The following RUNX2 variants were observed in gnomAD, a reference collection of about 807,000 sequenced individuals.
The protein encoded by RUNX2 is RUNX family transcription factor 2.
In RUNX2, 10 loss-of-function variants were observed where a neutral mutation model predicts 51.7. The observed-to-expected ratio is 0.19, with a 90% confidence interval of 0.12 to 0.33. The LOEUF is 0.33. Among genes scored for constraint, RUNX2 ranks in the 10% least tolerant of loss-of-function variants. RUNX2 has a pLI of 1.00. For synonymous variants in RUNX2, 276 were observed against 273.6 expected (o/e 1.01, Z -0.09); for missense variants, 562 against 691.3 (o/e 0.81, Z 2.10).
intron 6 of RUNX2, among the ~76,000 whole-genome samples, chr6:45,496,119 C>G (rs189928874): frequency 6.6e-6 from 1 of 152,154 alleles, no homozygotes; most frequent in Non-Finnish European, 1.5e-5. Context: ...TCTTTTGATT[C>G]AGAAAGCGGC....
intron 2 of RUNX2, among the ~76,000 whole-genome samples, chr6:45,341,722 T>C (rs564199965): frequency 6.6e-6 from 1 of 152,164 alleles, no homozygotes; most frequent in East Asian, 1.9e-4. Context: ...TCCTCAGCAG[T>C]AGCAATATTA....
intron 8 of RUNX2, 28 bp from the exon 9 acceptor site, chr6:45,546,799 T>C (rs1238362765): frequency 2.0e-6 from 3 of 1,512,536 alleles, no homozygotes; most frequent in East Asian, 2.3e-5. Context: ...TACAGATTTT[T>C]CCCTCCATCT....
rs116458892 is a variant in RUNX2, at chr6:45,406,267, G to C, written c.59-16326G>C. Among the ~76,000 whole-genome samples, 1,141 of 152,184 alleles carry C rather than the reference G, an allele frequency of 7.5e-3. 14 individuals carry two copies. Among genetic ancestry groups the C allele is most frequent in the African/African-American group, 0.026 (1,076 of 41,500 alleles). Reference sequence around the variant, plus strand: ...CCATAGCATAGGAATCCCTCTGTCTGGACGACTACAGTAGAAATTATCATG... The same window carrying C: ...CCATAGCATAGGAATCCCTCTGTCTCGACGACTACAGTAGAAATTATCATG... On this transcript the variant is annotated intron_variant, in intron 2 of 8. Transcript: ENST00000647337.
intron 2 of RUNX2, chr6:45,422,230 AC>A (rs991452334): frequency 3.0e-4 from 75 of 252,490 alleles, no homozygotes; most frequent in African/African-American, 1.7e-3. Context: ...GCCCCAAGGG[AC>A]CCCATTCCAA....
rs1383428097 is a variant in RUNX2, at chr6:45,353,266, ATT to A, written c.58+24484_58+24485del. 2.0e-5 allele frequency among the ~76,000 whole-genome samples: 3 copies of A among 152,240 alleles called. No homozygotes were observed. The East Asian group carries it at 5.8e-4, about 29-fold the overall frequency. Reference sequence around the variant, plus strand: ...AAACTACTTAAAATTTGCACTTAGAATTTGTTTTGGAACTTGATAAAATGATT... The same window carrying A: ...AAACTACTTAAAATTTGCACTTAGAATGTTTTGGAACTTGATAAAATGATT... On this transcript the variant is annotated intron_variant, in intron 2 of 8. Coordinates refer to ENST00000647337, the MANE Select transcript of RUNX2 (RefSeq NM_001024630.4).
intron 2 of RUNX2, among the ~76,000 whole-genome samples, chr6:45,357,159 AC>A (rs1278415889): frequency 6.6e-6 from 1 of 151,982 alleles, no homozygotes; most frequent in Admixed American, 6.6e-5. Context: ...GGCACCCGCC[AC>A]CAAGCCTGGC....
chr6:45,415,725 T>C (rs939430708), intron 2 of RUNX2, among the ~76,000 whole-genome samples: 6 of 152,084 alleles, frequency 3.9e-5, no homozygotes, highest in African/African-American at 1.4e-4. Flanking sequence ...CAAAACCCTT[T>C]CCTCCTGCAA....
Position 45,426,982 on chromosome 6 carries a change from G to A in RUNX2, c.423+4025G>A, listed in dbSNP as rs144890943. ...CTAGGGAAAATAGGTTGTTAAGCCTGTTAAATCCTTATTAACCGTAATATA... is the reference window on the plus strand; with the variant it reads ...CTAGGGAAAATAGGTTGTTAAGCCTATTAAATCCTTATTAACCGTAATATA... On this transcript the variant is annotated intron_variant, in intron 3 of 8. Transcript: ENST00000647337. Among the ~76,000 whole-genome samples the A allele has an allele frequency of 4.1e-3, 619 of 152,246 alleles. 5 individuals are homozygous for A. Among genetic ancestry groups the A allele is most frequent in the African/African-American group, 0.014 (581 of 41,556 alleles).
chr6:45,353,998 G>A (rs1792613247), intron 2 of RUNX2, among the ~76,000 whole-genome samples: 1 of 152,052 alleles, frequency 6.6e-6, no homozygotes. Flanking sequence ...TTCAAGCTCA[G>A]TTGTCAAAGA....
At chr6:45,404,259 C>CAAAA (rs34529128) in intron 2 of RUNX2, among the ~76,000 whole-genome samples, 7 of 27,638 alleles carry the variant, frequency 2.5e-4, no homozygotes, top group South Asian at 1.9e-3. Flanking sequence ...GACTCTGTCT[C>CAAAA]AAAAAAAAAA....
At chr6:45,417,346 G>A (rs1268362822) in intron 2 of RUNX2, among the ~76,000 whole-genome samples, 1 of 152,162 alleles carries the variant, frequency 6.6e-6, no homozygotes, top group African/African-American at 2.4e-5. Flanking sequence ...GGAAAATGCT[G>A]ACATATGGAG....
intron 2 of RUNX2, among the ~76,000 whole-genome samples, chr6:45,346,854 C>T (rs1333609724): frequency 6.6e-6 from 1 of 152,082 alleles, no homozygotes; most frequent in Non-Finnish European, 1.5e-5. Flanking sequence ...CGTGAGCCAT[C>T]GCGCCGGGCC....
intron 2 of RUNX2, among the ~76,000 whole-genome samples, chr6:45,346,636 C>T (rs1310354034): frequency 1.3e-5 from 2 of 149,622 alleles, no homozygotes; most frequent in East Asian, 3.9e-4. Context: ...GGTGCGATCT[C>T]GGCTCACTGC....
At chr6:45,329,699 C>T (rs1443006207) in intron 2 of RUNX2, among the ~76,000 whole-genome samples, 4 of 151,862 alleles carry the variant, frequency 2.6e-5, no homozygotes. Context: ...TTAAACCATG[C>T]TGGACTTTAA....
intron 2 of RUNX2, chr6:45,361,475 G>A (rs1209836789): frequency 6.6e-6 from 1 of 152,188 alleles, no homozygotes. Flanking sequence ...AGAACTCAGT[G>A]AAGACTCTCA....
intron 2 of RUNX2, among the ~76,000 whole-genome samples, chr6:45,351,698 T>C (rs537696695): frequency 1.3e-5 from 2 of 152,274 alleles, no homozygotes; most frequent in Admixed American, 6.5e-5. Flanking sequence ...ATCAACTCCA[T>C]ACTTTCTATT....
At chr6:45,540,448 T>C (rs1240767375) in intron 7 of RUNX2, among the ~76,000 whole-genome samples, 5 of 152,074 alleles carry the variant, frequency 3.3e-5, no homozygotes, top group African/African-American at 1.2e-4. Flanking sequence ...AGAGGTAGAA[T>C]AGAATGCTGG....
chr6:45,356,386 C>G (rs1347322435), intron 2 of RUNX2, among the ~76,000 whole-genome samples: 2 of 151,668 alleles, frequency 1.3e-5, no homozygotes, highest in African/African-American at 4.8e-5. Context: ...TGGAATATAT[C>G]AATTCTCATT....
intron 5 of RUNX2, among the ~76,000 whole-genome samples, chr6:45,448,287 T>C (rs1799060134): frequency 1.3e-5 from 2 of 152,180 alleles, no homozygotes; most frequent in African/African-American, 4.8e-5. Flanking sequence ...ACCATTACAC[T>C]TGCTCTGCAG....
Sources: allele counts gnomAD v4.1 joint callset (sites outside exome capture counted in the v4.1 genomes callset), GRCh38; gene constraint gnomAD v4.1.1; transcripts MANE v1.5; gene names NCBI Gene and HGNC (gene_info 2026-07-23, HGNC 2026-07-21).